CUBN: variants seen among roughly 807,000 people sequenced by gnomAD.
The protein encoded by CUBN is cubilin, also known as 460 kDa receptor.
In CUBN, 282 loss-of-function variants were observed where a neutral mutation model predicts 405.3. That is an observed-to-expected ratio of 0.70 (90% CI 0.63 to 0.77). The LOEUF is 0.77. Among genes scored for constraint, CUBN ranks in the 30% least tolerant of loss-of-function variants. The pLI is 0.00. For missense variants in CUBN, 4,514 were observed against 4,475.2 expected, an observed-to-expected ratio of 1.01 and a Z score of -0.25; for synonymous variants, 1,684 against 1,617.0, an observed-to-expected ratio of 1.04 and a Z score of -0.99.
Position 16,941,711 on chromosome 10 carries a change from C to G in CUBN, c.5343-1474G>C, listed in dbSNP as rs954075158. 3.3e-5 allele frequency among the ~76,000 whole-genome samples: 5 copies of G among 151,850 alleles called. No individual in the cohort carries two copies. The East Asian group carries it at 7.7e-4, about 24-fold the overall frequency. ...ATAAAATGTAGCTATGTGTGGTGGC[C>G]TGTGCCTATAATCCCAGCTACTTGG... On this transcript the variant is annotated intron_variant, in intron 36 of 66. Coordinates refer to ENST00000377833, the MANE Select transcript of CUBN (RefSeq NM_001081.4).
At chr10:16,969,076 C>T (rs867574320) in intron 31 of CUBN, among the ~76,000 whole-genome samples, 2 of 152,166 alleles carry the variant, frequency 1.3e-5, no homozygotes, top group African/African-American at 4.8e-5. Context: ...TTCTAGAAAA[C>T]GCACTTCTGT....
intron 8 of CUBN, among the ~76,000 whole-genome samples, chr10:17,112,382 T>A (rs1428480872): frequency 6.6e-6 from 1 of 152,054 alleles, no homozygotes; most frequent in African/African-American, 2.4e-5. Flanking sequence ...TGATATTTTA[T>A]AAGCAGCATA....
chr10:16,931,250 TGA>T (rs1842356518), intron 40 of CUBN, among the ~76,000 whole-genome samples: 1 of 148,550 alleles, frequency 6.7e-6, no homozygotes, highest in South Asian at 2.1e-4. Context: ...GACAAAAGAG[TGA>T]GACTCCGTCT....
At chr10:17,039,987 C>T (rs764788831) in intron 27 of CUBN, among the ~76,000 whole-genome samples, 25 of 152,184 alleles carry the variant, frequency 1.6e-4, no homozygotes, top group South Asian at 1.2e-3. Flanking sequence ...TATATGTTAA[C>T]CTCAACCAAC....
chr10:17,067,476 A>T (rs536600661), intron 21 of CUBN, among the ~76,000 whole-genome samples: 15 of 152,288 alleles, frequency 9.8e-5, no homozygotes, highest in African/African-American at 3.6e-4. Flanking sequence ...CACACAGAGA[A>T]CAGAGGCTTG....
intron 13 of CUBN, among the ~76,000 whole-genome samples, 164 bp downstream of exon 13, chr10:17,102,961 T>G (rs1836532013): frequency 6.6e-6 from 1 of 152,010 alleles, no homozygotes. Flanking sequence ...TATGAAAAGG[T>G]AGGTATATGT....
At chr10:17,006,852 GC>G (rs1329817632) in intron 28 of CUBN, among the ~76,000 whole-genome samples, 4 of 152,138 alleles carry the variant, frequency 2.6e-5, no homozygotes, top group African/African-American at 9.7e-5. Context: ...AATGGACCCA[GC>G]CCCCATTTGA....
intron 58 of CUBN, among the ~76,000 whole-genome samples, chr10:16,870,655 G>A (rs1032514692): frequency 4.6e-5 from 7 of 152,206 alleles, no homozygotes; most frequent in Non-Finnish European, 1.0e-4. Flanking sequence ...ATGTAAAAAC[G>A]AAGCTTCCAT....
chr10:17,083,161 T>G (rs1249195354), intron 17 of CUBN, among the ~76,000 whole-genome samples: 1 of 152,098 alleles, frequency 6.6e-6, no homozygotes, highest in Non-Finnish European at 1.5e-5. Flanking sequence ...AAAACCTAAA[T>G]TGAATAAATA....
chr10:17,061,528 T>C (rs963599516), intron 22 of CUBN, among the ~76,000 whole-genome samples: 41 of 152,186 alleles, frequency 2.7e-4, no homozygotes, highest in African/African-American at 9.4e-4. Context: ...GAAGGCCTCT[T>C]TGGGCATGTT....
Position 17,046,086 on chromosome 10 carries a change from C to T in CUBN, c.3338G>A (p.Gly1113Asp). Residue 1113 changes from glycine (G) to aspartate (D), a missense_variant, in exon 24 of 67, where the codon GGC becomes GAC. By Grantham distance (94) the Gly-to-Asp change is moderately conservative (BLOSUM62 -1). Around this residue, in one of 5 missense-constraint regions of CUBN, gnomAD observed 1,448 missense variants for 1,388.0 expected, o/e 1.04. Coordinates refer to ENST00000377833, the MANE Select transcript of CUBN (RefSeq NM_001081.4). ...TCCCAGCAATGGTGATTTTTCATAG[C>T]CTCCATCTCTGGCAGAATACAGAAA... Reference protein sequence around the residue: ...YTDFLEIRDGGYEKSPLLGIF... With the variant: ...YTDFLEIRDGDYEKSPLLGIF... 1 of 1,613,256 alleles carries T rather than the reference C, an allele frequency of 6.2e-7. No homozygotes were observed. Among genetic ancestry groups the T allele is most frequent in the East Asian group, 2.2e-5 (1 of 44,832 alleles).
intron 48 of CUBN, among the ~76,000 whole-genome samples, chr10:16,909,073 G>A (rs1263013941): frequency 6.6e-6 from 1 of 151,042 alleles, no homozygotes; most frequent in African/African-American, 2.4e-5. Context: ...TTTTAGTAGA[G>A]ACGGGGTTTC....
In CUBN at chr10:17,088,260, G is replaced by C; in HGVS notation, c.1851C>G (p.Val617=). Residue 617 remains valine, a synonymous_variant, in exon 15 of 67, where the codon GTC becomes GTG. Transcript: ENST00000377833. ...PGNYPPGRDC[V]WIVVTSPDLL... ...GGTCAGGACTAGTTACAACAATCCAGACACAATCTCTTCCTGGGGGATAGT... is the reference window on the plus strand; with the variant it reads ...GGTCAGGACTAGTTACAACAATCCACACACAATCTCTTCCTGGGGGATAGT... The C allele has an allele frequency of 6.2e-7, 1 of 1,613,734 alleles. No homozygotes were observed. The highest frequency in any genetic ancestry group is 1.1e-5 in the South Asian group (1 of 91,062).
In CUBN at chr10:17,068,148, T is replaced by G. The variant is rs1287050894; in HGVS notation, c.2924A>C (p.Glu975Ala). 2 of 1,613,708 alleles carry G rather than the reference T, an allele frequency of 1.2e-6. No homozygotes were observed. Among genetic ancestry groups the G allele is most frequent in the East Asian group, 4.5e-5 (2 of 44,866 alleles). The part of the protein sequence containing the change: ...QPNHLIHLMF[E>A]TFHLEFHYNC... ...GTAATGAAACTCCAGATGAAATGTT[T>G]CGAACATTAAATGAATCAGGTGATT... Residue 975 changes from glutamate to alanine, a missense_variant, in exon 21 of 67, where the codon GAA becomes GCA. Physicochemically the swap from Glu to Ala is moderately radical, Grantham distance 107. This residue lies in a region of CUBN where 1,448 missense variants were observed against 1,388.0 expected (regional missense o/e 1.04). Transcript: ENST00000377833.
chr10:17,026,433 A>G (rs766314341), intron 27 of CUBN, among the ~76,000 whole-genome samples: 8 of 152,078 alleles, frequency 5.3e-5, no homozygotes, highest in Non-Finnish European at 7.4e-5. Flanking sequence ...GGAGTTCAAG[A>G]CCAGCCTGGG....
At chr10:16,892,786 G>C (rs1023242031) in intron 54 of CUBN, among the ~76,000 whole-genome samples, 1 of 152,130 alleles carries the variant, frequency 6.6e-6, no homozygotes, top group South Asian at 2.1e-4. Context: ...AAGCCACCAT[G>C]CCTGGGCCAT....
chr10:17,032,194 GC>G (rs1403320951), intron 27 of CUBN, among the ~76,000 whole-genome samples: 1 of 152,192 alleles, frequency 6.6e-6, no homozygotes, highest in Non-Finnish European at 1.5e-5. Context: ...CCAGGAAGAA[GC>G]TGAATGACCA....
chr10:16,998,769 A>G (rs1038655504), intron 28 of CUBN, among the ~76,000 whole-genome samples: 1 of 152,230 alleles, frequency 6.6e-6, no homozygotes, highest in Non-Finnish European at 1.5e-5. Context: ...GTCAAGGGTA[A>G]GATTTTCATG....
In CUBN at chr10:16,982,419, G is replaced by T. The variant is rs978751539; in HGVS notation, c.4695+65C>A. The T allele has an allele frequency of 3.6e-6, 5 of 1,384,546 alleles. No individual in the cohort carries two copies. The African/African-American group carries it at 7.0e-5, about 19-fold the overall frequency. The allele number at this position is 1,384,546 out of a possible 1,614,324, so 85.8% of individuals were successfully genotyped here. A position where few individuals can be genotyped will look rare whatever the true frequency, so the allele number is the denominator to read the frequency against. ...CATAAGTAATACATTCACTAAATAT[G>T]CTTATATGGCAGTGTTTTGACCGAG... On this transcript the variant is annotated intron_variant, in intron 31 of 66. Coordinates refer to ENST00000377833, the MANE Select transcript of CUBN (RefSeq NM_001081.4).
Sources: allele counts gnomAD v4.1 joint callset (sites outside exome capture counted in the v4.1 genomes callset), GRCh38; gene constraint gnomAD v4.1.1; regional missense constraint gnomAD v4.1.1; transcripts MANE v1.5; gene names NCBI Gene and HGNC (gene_info 2026-07-23, HGNC 2026-07-21).